Variants in C1QTNF3 observed in about 807,000 individuals in gnomAD.
C1QTNF3 encodes the protein complement C1q tumor necrosis factor-related protein 3.
Under a neutral mutation model 32.6 loss-of-function variants are expected in C1QTNF3, and 26 were observed. The ratio of observed to expected loss-of-function variants is 0.80; its 90% CI spans 0.58 to 1.11. C1QTNF3 has a LOEUF of 1.11. Ranked by LOEUF, C1QTNF3 falls within the 50% of genes least tolerant of loss-of-function variation. The pLI is 0.00. For missense variants in C1QTNF3, 362 were observed against 398.2 expected, an observed-to-expected ratio of 0.91 and a Z score of 0.77; for synonymous variants, 155 against 146.0, an observed-to-expected ratio of 1.06 and a Z score of -0.44.
chr5:34,157,398 C>G, the C1QTNF3 span, among the ~76,000 whole-genome samples: 2 of 152,200 alleles, frequency 1.3e-5, no homozygotes, highest in Non-Finnish European at 2.9e-5. Context: ...TACTATGAAT[C>G]TGTAGCTCTA....
At chr5:34,141,992 C>A in the C1QTNF3 span, among the ~76,000 whole-genome samples, 20 of 152,162 alleles carry the variant, frequency 1.3e-4, no homozygotes, top group African/African-American at 4.8e-4. Context: ...GGGGAGGAGC[C>A]TACACTCAGA....
chr5:34,173,867 A>G, the C1QTNF3 span, among the ~76,000 whole-genome samples: 5 of 151,512 alleles, frequency 3.3e-5, no homozygotes, highest in South Asian at 2.1e-4. Context: ...AGTGACAGAC[A>G]TCCATTAGTA....
At chr5:34,178,149 T>A in the C1QTNF3 span, among the ~76,000 whole-genome samples, 1 of 144,088 alleles carries the variant, frequency 6.9e-6, no homozygotes. Context: ...AGCATGGTGG[T>A]GCATGCCTGT....
chr5:34,170,369 A>G, the C1QTNF3 span, among the ~76,000 whole-genome samples: 146,962 of 152,130 alleles, frequency 0.97, 71,211 homozygotes, highest in East Asian at 1. Context: ...ATATAGTGCC[A>G]ATAGTTTATA....
the C1QTNF3 span, among the ~76,000 whole-genome samples, chr5:34,082,174 G>A: frequency 9.2e-5 from 14 of 151,664 alleles, no homozygotes; most frequent in Non-Finnish European, 4.4e-5. Flanking sequence ...ATGAGATGTT[G>A]CTTTGCTCTG....
At chr5:34,182,528 G>A in the C1QTNF3 span, among the ~76,000 whole-genome samples, 1 of 152,288 alleles carries the variant, frequency 6.6e-6, no homozygotes, top group African/African-American at 2.4e-5. Context: ...TAAAAAATCT[G>A]GGCCTCCCGC....
chr5:34,035,168 G>T (rs1409942876), intron 2 of C1QTNF3, among the ~76,000 whole-genome samples: 1 of 152,216 alleles, frequency 6.6e-6, no homozygotes, highest in African/African-American at 2.4e-5. Context: ...TGCTGGTCTA[G>T]TGGGGTCTCA....
At chr5:34,244,707 C>T in the C1QTNF3 span, 4 of 152,040 alleles carry the variant, frequency 2.6e-5, no homozygotes, top group Admixed American at 1.3e-4. Flanking sequence ...CTCAGGAGCC[C>T]AGCTGGCTTT....
chr5:34,089,949 C>T, the C1QTNF3 span, among the ~76,000 whole-genome samples: 1 of 152,196 alleles, frequency 6.6e-6, no homozygotes, highest in Non-Finnish European at 1.5e-5. Context: ...GACGGAGCTG[C>T]ATATGTCTGG....
the C1QTNF3 span, among the ~76,000 whole-genome samples, chr5:34,123,436 T>C: frequency 2.0e-5 from 3 of 152,118 alleles, no homozygotes; most frequent in Admixed American, 6.5e-5. Context: ...GTGTGTATTT[T>C]AGTTCCTTGC....
At chr5:34,050,390 G>C in the C1QTNF3 span, among the ~76,000 whole-genome samples, 1 of 152,146 alleles carries the variant, frequency 6.6e-6, no homozygotes, top group Non-Finnish European at 1.5e-5. Context: ...GTGTTCTCTT[G>C]CTGTTATGGT....
At chr5:34,156,958 A>C in the C1QTNF3 span, among the ~76,000 whole-genome samples, 5 of 152,178 alleles carry the variant, frequency 3.3e-5, no homozygotes, top group African/African-American at 1.2e-4. Context: ...GTAATGGTGA[A>C]ATTATGTTAC....
the C1QTNF3 span, among the ~76,000 whole-genome samples, chr5:34,232,727 A>C: frequency 6.6e-6 from 1 of 151,912 alleles, no homozygotes; most frequent in South Asian, 2.1e-4. Context: ...AAGAACTATG[A>C]ATCAATTAAA....
At chr5:34,140,658 C>A in the C1QTNF3 span, among the ~76,000 whole-genome samples, 1 of 152,254 alleles carries the variant, frequency 6.6e-6, no homozygotes, top group Non-Finnish European at 1.5e-5. Context: ...AGAAAGTCTG[C>A]ATTTTGAAGA....
chr5:34,035,145 C>G (rs562938877), intron 2 of C1QTNF3, among the ~76,000 whole-genome samples: 2 of 152,310 alleles, frequency 1.3e-5, no homozygotes, highest in South Asian at 4.1e-4. Flanking sequence ...TGGCACAGTA[C>G]AGATGACTGA....
chr5:34,147,031 C>T, the C1QTNF3 span, among the ~76,000 whole-genome samples: 2 of 152,102 alleles, frequency 1.3e-5, no homozygotes, highest in African/African-American at 4.8e-5. Context: ...GAATAGAAGA[C>T]ATACAAGTGG....
chr5:34,040,253 T>C (rs1192430414), intron 1 of C1QTNF3, among the ~76,000 whole-genome samples: 2 of 152,146 alleles, frequency 1.3e-5, no homozygotes, highest in African/African-American at 4.8e-5. Flanking sequence ...ATTTGCAGCA[T>C]GCGAGAAAGA....
At chr5:34,056,477 TATAGAGAGAGAGAGAGAGAGAGAGAG>T in the C1QTNF3 span, among the ~76,000 whole-genome samples, 4 of 87,250 alleles carry the variant, frequency 4.6e-5, no homozygotes, top group African/African-American at 1.4e-4. Flanking sequence ...TATATATATA[TATAGAGAGAGAGAGAGAGAGAGAGAG>T]AGAGAGAGAG....
the C1QTNF3 span, among the ~76,000 whole-genome samples, chr5:34,108,467 C>T: frequency 1.6e-4 from 25 of 152,218 alleles, no homozygotes; most frequent in South Asian, 5.0e-3. Context: ...AAACAACCTT[C>T]TATCTTCAGA....
Sources: allele counts gnomAD v4.1 joint callset (sites outside exome capture counted in the v4.1 genomes callset), GRCh38; gene constraint gnomAD v4.1.1; transcripts MANE v1.5; gene names NCBI Gene and HGNC (gene_info 2026-07-23, HGNC 2026-07-21).